Variants in RUBCN observed in about 807,000 individuals in gnomAD.
RUBCN encodes the protein run domain Beclin-1-interacting and cysteine-rich domain-containing protein.
Under a neutral mutation model 113.2 loss-of-function variants are expected in RUBCN, and 74 were observed. That is an observed-to-expected ratio of 0.65 (90% CI 0.54 to 0.79). The LOEUF is 0.79. Ranked by LOEUF, RUBCN falls within the 30% of genes least tolerant of loss-of-function variation. RUBCN has a pLI of 0.00. For missense variants in RUBCN, 1,109 were observed against 1,251.7 expected (o/e 0.89, Z 1.72); for synonymous variants, 480 against 490.0 (o/e 0.98, Z 0.27).
At chr3:197,691,743 T>C (rs1206992502) in intron 11 of RUBCN, among the ~76,000 whole-genome samples, 2 of 152,080 alleles carry the variant, frequency 1.3e-5, no homozygotes, top group African/African-American at 2.4e-5. Flanking sequence ...GATGTGGTAG[T>C]CAAGTGGACG....
intron 7 of RUBCN, among the ~76,000 whole-genome samples, chr3:197,700,178 G>A (rs955589670): frequency 1.3e-5 from 2 of 152,130 alleles, no homozygotes; most frequent in Admixed American, 6.5e-5. Context: ...TATAGCCTTC[G>A]TTTTAATTAG....
In RUBCN at chr3:197,681,753, C is replaced by G; in HGVS notation, c.2191+82G>C. The G allele has an allele frequency of 5.4e-6, 7 of 1,293,208 alleles. No individual in the cohort carries two copies. The highest frequency in any genetic ancestry group is 7.9e-6 in the Non-Finnish European group (7 of 887,728). 80.1% of individuals were successfully genotyped at this position (1,293,208 alleles called of 1,614,324 possible). A position where few individuals can be genotyped will look rare whatever the true frequency, so the allele number is the denominator to read the frequency against. On this transcript the variant is annotated intron_variant, in intron 15 of 19. Coordinates refer to ENST00000296343, the MANE Select transcript of RUBCN (RefSeq NM_014687.4). The surrounding 1 kb of genome is among the most constrained non-coding windows in gnomAD (Gnocchi z 5.5). ...CTGCCACGCCACCTCCTGCTACCGC[C>G]TTTGACACGCCACCTCTCCCTACGT...
rs186957826 is a variant in RUBCN at position 197,745,053 on chromosome 3, G to A, written c.-116+4216C>T. ...TGTAATCCCAGCACTTTGGGAGGCCGAGGTGGGCAGATCACAAAGTCAAGA... is the reference window on the plus strand; with the variant it reads ...TGTAATCCCAGCACTTTGGGAGGCCAAGGTGGGCAGATCACAAAGTCAAGA... On this transcript the variant is annotated intron_variant, in intron 1 of 20. Coordinates refer to the RUBCN transcript ENST00000273582. Among the ~76,000 whole-genome samples, 789 of 152,044 alleles carry A rather than the reference G, an allele frequency of 5.2e-3. 9 individuals carry two copies. Among genetic ancestry groups the A allele is most frequent in the African/African-American group, 0.017 (696 of 41,460 alleles).
At chr3:197,698,114 G>A (rs988052591) in intron 7 of RUBCN, among the ~76,000 whole-genome samples, 2 of 152,190 alleles carry the variant, frequency 1.3e-5, no homozygotes, top group African/African-American at 2.4e-5. Flanking sequence ...TTTACAACAT[G>A]TGGCCATTCA....
intron 1 of RUBCN, among the ~76,000 whole-genome samples, chr3:197,724,684 A>G (rs1230575644): frequency 3.3e-5 from 5 of 152,252 alleles, no homozygotes; most frequent in Non-Finnish European, 7.3e-5. Flanking sequence ...TACCATGAAG[A>G]ATGAAAACTT....
At chr3:197,682,030 G>T in intron 14 of RUBCN, 131 bp from the exon 15 acceptor site, 1 of 763,802 alleles carries the variant, frequency 1.3e-6, no homozygotes, top group East Asian at 2.7e-5. Flanking sequence ...CTACATTTTA[G>T]TTGGACAAAA....
rs1476179705 is a variant in RUBCN at position 197,669,080 on chromosome 3, A to G, written c.*5938T>C. Among the ~76,000 whole-genome samples the G allele has an allele frequency of 6.6e-6, 1 of 152,152 alleles. No individual in the cohort carries two copies. The highest frequency in any genetic ancestry group is 1.5e-5 in the Non-Finnish European group (1 of 68,038). On this transcript the variant is annotated 3_prime_UTR_variant, in exon 20 of 20. Transcript: ENST00000296343. ...TATATAGGTAAACTTCTTAATCTGG[A>G]ATAATTTTAGATCCACAGTAAAGTT...
At chr3:197,718,398 C>T (rs562383230) in intron 1 of RUBCN, among the ~76,000 whole-genome samples, 79 of 152,316 alleles carry the variant, frequency 5.2e-4, no homozygotes, top group African/African-American at 1.9e-3. Flanking sequence ...CTATCTCACT[C>T]AATCCTCACA....
intron 16 of RUBCN, among the ~76,000 whole-genome samples, chr3:197,680,529 A>G (rs1265188935): frequency 1.3e-5 from 2 of 150,560 alleles, no homozygotes; most frequent in Non-Finnish European, 3.0e-5. Context: ...CCTACGCTCT[A>G]ACTGACAACT....
intron 2 of RUBCN, among the ~76,000 whole-genome samples, chr3:197,711,103 C>T (rs889201199): frequency 2.0e-5 from 3 of 152,216 alleles, no homozygotes; most frequent in South Asian, 2.1e-4. Context: ...GGATTACAGG[C>T]GTGAGCCACC....
intron 4 of RUBCN, 121 bp downstream of exon 4, chr3:197,704,421 C>T (rs1724048478): frequency 4.3e-5 from 40 of 932,876 alleles, no homozygotes; most frequent in South Asian, 2.6e-4. Flanking sequence ...GTGACAAGAG[C>T]GTAAGTCCAT....
intron 2 of RUBCN, among the ~76,000 whole-genome samples, chr3:197,711,735 G>A (rs1724988452): frequency 6.6e-6 from 1 of 152,018 alleles, no homozygotes; most frequent in Non-Finnish European, 1.5e-5. Context: ...TTTTTTATGT[G>A]ATCAGAAGGG....
rs1023248051 is a variant in RUBCN at position 197,694,242 on chromosome 3, T to C, written c.1684+133A>G. 4 of 850,960 alleles carry C rather than the reference T, an allele frequency of 4.7e-6. No individual in the cohort carries two copies. The African/African-American group carries it at 6.6e-5, about 14-fold the overall frequency. 52.7% of individuals were successfully genotyped at this position (850,960 alleles called of 1,614,324 possible). A position where few individuals can be genotyped will look rare whatever the true frequency, so the allele number is the denominator to read the frequency against. On this transcript the variant is annotated intron_variant, in intron 10 of 19. Transcript: ENST00000296343. ...AAACGGAGCGACTCTAGGATGAGTA[T>C]TCCTAGCATGATAGAAAAAAAGTAG...
intron 2 of RUBCN, among the ~76,000 whole-genome samples, chr3:197,709,319 A>G (rs200819985): frequency 6.6e-6 from 1 of 152,056 alleles, no homozygotes; most frequent in Non-Finnish European, 1.5e-5. Flanking sequence ...CATCACCACC[A>G]CCACCACCAA....
chr3:197,704,817 C>T, intron 3 of RUBCN, 116 bp from the exon 4 acceptor site: 1 of 1,175,514 alleles, frequency 8.5e-7, no homozygotes, highest in Non-Finnish European at 1.2e-6. Context: ...TGAAAGGCTT[C>T]ACCCTGGGTC....
chr3:197,711,507 A>T (rs1375104877), intron 2 of RUBCN, among the ~76,000 whole-genome samples: 2 of 152,208 alleles, frequency 1.3e-5, no homozygotes, highest in African/African-American at 4.8e-5. Context: ...TATAGCAAAG[A>T]AAATCATTGG....
chr3:197,730,176 G>A (rs1339124224), intron 1 of RUBCN, among the ~76,000 whole-genome samples: 2 of 152,104 alleles, frequency 1.3e-5, no homozygotes, highest in Non-Finnish European at 2.9e-5. Flanking sequence ...ATTTTGGTAA[G>A]AGAACCCTGA....
intron 1 of RUBCN, among the ~76,000 whole-genome samples, chr3:197,736,346 TG>T (rs1728119254): frequency 6.6e-6 from 1 of 152,126 alleles, no homozygotes; most frequent in African/African-American, 2.4e-5. Flanking sequence ...TGCACCCCTC[TG>T]GCCTCTTCGC....
chr3:197,689,827 G>A lies in RUBCN; in HGVS notation c.1786+3888C>T, dbSNP rs978546760. Among the ~76,000 whole-genome samples, 5 of 152,080 alleles carry A rather than the reference G, an allele frequency of 3.3e-5. No individual in the cohort carries two copies. In the South Asian group the frequency reaches 6.2e-4, roughly 19 times the overall value. On this transcript the variant is annotated intron_variant, in intron 11 of 19. Coordinates refer to ENST00000296343, the MANE Select transcript of RUBCN (RefSeq NM_014687.4). ...CATTTCTCTGTGTTGGGAATACTTC[G>A]AATCTCTTCTAGCTATTTTGAAATA...
Sources: gnomAD v4.1 joint callset for allele counts (sites outside exome capture counted in the v4.1 genomes callset) on GRCh38, gnomAD v4.1.1 for gene constraint, Gnocchi (gnomAD v3.1) non-coding constraint, MANE v1.5 for transcripts, NCBI Gene and HGNC (gene_info 2026-07-23, HGNC 2026-07-21) for gene names.